CDK8: variants seen among roughly 807,000 people sequenced by gnomAD.
CDK8 encodes cyclin-dependent kinase 8.
Under a neutral mutation model 71.5 loss-of-function variants are expected in CDK8, and 29 were observed. That is an observed-to-expected ratio of 0.41 (90% CI 0.30 to 0.55). The LOEUF is 0.55. Ranked by LOEUF, CDK8 falls within the 20% of genes least tolerant of loss-of-function variation. The probability of loss-of-function intolerance (pLI) is 0.37; values close to 1 mark genes in which losing one functional copy is unlikely to be tolerated. For missense variants in CDK8, 288 were observed against 572.6 expected (o/e 0.50, Z 5.07); for synonymous variants, 161 against 192.1 (o/e 0.84, Z 1.34).
At chr13:26,387,403 G>A (rs1875531129) in intron 6 of CDK8, among the ~76,000 whole-genome samples, 1 of 152,054 alleles carries the variant, frequency 6.6e-6, no homozygotes, top group Admixed American at 6.5e-5. Flanking sequence ...TAAATCATGG[G>A]GCTTATAGAG....
intron 8 of CDK8, among the ~76,000 whole-genome samples, chr13:26,396,654 A>T (rs541292647): frequency 1.8e-4 from 27 of 152,256 alleles, no homozygotes; most frequent in African/African-American, 5.8e-4. Flanking sequence ...CAGCTGAATA[A>T]ATAAGAATCT....
At chr13:26,351,281 T>C (rs1388310092) in intron 3 of CDK8, among the ~76,000 whole-genome samples, 3 of 152,190 alleles carry the variant, frequency 2.0e-5, no homozygotes, top group African/African-American at 7.2e-5. Context: ...TTTTATTATG[T>C]ATACATGAAA....
chr13:26,403,404 GATTATACC>G (rs1213079890), intron 12 of CDK8, among the ~76,000 whole-genome samples: 3 of 151,738 alleles, frequency 2.0e-5, no homozygotes, highest in Admixed American at 6.6e-5. Context: ...TCCTAGCAAT[GATTATACC>G]ATTACACTCC....
intron 4 of CDK8, among the ~76,000 whole-genome samples, chr13:26,356,704 G>A (rs1038059026): frequency 3.3e-5 from 5 of 152,082 alleles, no homozygotes; most frequent in Non-Finnish European, 5.9e-5. Flanking sequence ...TGATTCTAAT[G>A]TATGTAGTAA....
At position 26,378,159 on chromosome 13, in the gene CDK8, TC is replaced by T. The variant is rs138629822; in HGVS notation, c.457-4653del. Among the ~76,000 whole-genome samples the T allele has an allele frequency of 6.7e-3, 1,016 of 152,370 alleles. 10 individuals carry two copies. The highest frequency in any genetic ancestry group is 0.021 in the African/African-American group (870 of 41,588). On this transcript the variant is annotated intron_variant, in intron 4 of 12. Transcript: ENST00000381527. ...GGCAGATGTGCCACCATTCTCCACT[TC>T]CTATGTCGGATAGCTCTGATAAATG...
intron 1 of CDK8, among the ~76,000 whole-genome samples, chr13:26,279,985 G>T (rs1049460372): frequency 3.9e-5 from 6 of 152,044 alleles, no homozygotes; most frequent in Non-Finnish European, 5.9e-5. Flanking sequence ...GTGTGTGTGT[G>T]TGTATGTGTG....
At chr13:26,394,031 A>G (rs956691071) in intron 7 of CDK8, among the ~76,000 whole-genome samples, 1 of 152,222 alleles carries the variant, frequency 6.6e-6, no homozygotes, top group African/African-American at 2.4e-5. Context: ...ATAGTACCCT[A>G]TGGTGAGTTA....
chr13:26,392,622 G>C (rs551961043), intron 6 of CDK8, among the ~76,000 whole-genome samples: 1 of 152,018 alleles, frequency 6.6e-6, no homozygotes, highest in Non-Finnish European at 1.5e-5. Flanking sequence ...CACCACACCC[G>C]GCCGAATTTA....
At chr13:26,330,002 C>T (rs1875234315) in intron 1 of CDK8, among the ~76,000 whole-genome samples, 1 of 152,064 alleles carries the variant, frequency 6.6e-6, no homozygotes, top group African/African-American at 2.4e-5. Flanking sequence ...ATTTATTTCC[C>T]CAGGGCCTCC....
intron 1 of CDK8, among the ~76,000 whole-genome samples, chr13:26,320,785 A>C (rs1347456842): frequency 6.6e-6 from 1 of 152,204 alleles, no homozygotes. Flanking sequence ...ACTCAACACC[A>C]CTATTAGGAA....
intron 1 of CDK8, among the ~76,000 whole-genome samples, chr13:26,265,726 A>G (rs9319287): frequency 0.17 from 25,744 of 152,130 alleles, 3,816 homozygotes; most frequent in African/African-American, 0.41. Flanking sequence ...AAGAATTTCC[A>G]TGCCAGATCT....
At chr13:26,366,401 A>G (rs1196434511) in intron 4 of CDK8, among the ~76,000 whole-genome samples, 2 of 152,122 alleles carry the variant, frequency 1.3e-5, no homozygotes, top group African/African-American at 4.8e-5. Flanking sequence ...ATTTAATACA[A>G]TGAGAAGTTT....
chr13:26,401,518 C>CA lies in CDK8; in HGVS notation c.1164dup (p.Gly389ArgfsTer141). ...AACCACACTAATGGAACTGGCCACC[C>CA]AGGGAATCAAGACAGCAGTCACACA... On this transcript the variant is annotated frameshift_variant, in exon 12 of 13. Coordinates refer to ENST00000381527, the MANE Select transcript of CDK8 (RefSeq NM_001260.3). LOFTEE classifies it high-confidence loss of function. The surrounding 1 kb of genome is among the most constrained non-coding windows in gnomAD (Gnocchi z 4.5). The CA allele has an allele frequency of 6.2e-7, 1 of 1,614,170 alleles. No individual in the cohort carries two copies. The highest frequency in any genetic ancestry group is 8.5e-7 in the Non-Finnish European group (1 of 1,180,018).
At chr13:26,365,414 A>C (rs1004257908) in intron 4 of CDK8, among the ~76,000 whole-genome samples, 1 of 152,136 alleles carries the variant, frequency 6.6e-6, no homozygotes, top group African/African-American at 2.4e-5. Flanking sequence ...ATTTATCAAT[A>C]AAAAAGTGGC....
intron 1 of CDK8, among the ~76,000 whole-genome samples, chr13:26,260,318 G>A (rs772612196): frequency 1.8e-4 from 27 of 152,098 alleles, no homozygotes; most frequent in Non-Finnish European, 3.4e-4. Context: ...CGTTTGCACC[G>A]AACACCATAA....
At chr13:26,339,135 G>T (rs1873115538) in intron 2 of CDK8, among the ~76,000 whole-genome samples, 1 of 151,966 alleles carries the variant, frequency 6.6e-6, no homozygotes, top group Admixed American at 6.6e-5. Context: ...TAATTTTTAT[G>T]AAGTCTTACT....
intron 1 of CDK8, among the ~76,000 whole-genome samples, chr13:26,328,341 A>T (rs976895376): frequency 9.9e-5 from 15 of 152,226 alleles, no homozygotes; most frequent in African/African-American, 3.6e-4. Flanking sequence ...TCCTTAAAGC[A>T]TGTCTTTTTC....
At chr13:26,359,262 A>AGTTTTACAGAG (rs1874029307) in intron 4 of CDK8, among the ~76,000 whole-genome samples, 1 of 692 alleles carries the variant, frequency 1.4e-3, no homozygotes, top group Non-Finnish European at 3.0e-3. Context: ...GATGCAGAGT[A>AGTTTTACAGAG]TGAAAAGAGT....
At position 26,400,566 on chromosome 13, in the gene CDK8, G is replaced by A. The variant is rs771496653; in HGVS notation, c.1031+16G>A. ...CTACATCAGAGTAAGTGGCCTAGTT[G>A]GTTAACTCATCAGCATGATGGAAGT... On this transcript the variant is annotated intron_variant, in intron 10 of 12. Coordinates refer to ENST00000381527, the MANE Select transcript of CDK8 (RefSeq NM_001260.3). 4 of 1,457,412 alleles carry A rather than the reference G, an allele frequency of 2.7e-6. No individual in the cohort carries two copies. Among genetic ancestry groups the A allele is most frequent in the Non-Finnish European group, 3.9e-6 (4 of 1,037,836 alleles). 90.3% of individuals were successfully genotyped at this position (1,457,412 alleles called of 1,614,324 possible).
Sources: gnomAD v4.1 joint callset for allele counts (sites outside exome capture counted in the v4.1 genomes callset) on GRCh38, gnomAD v4.1.1 for gene constraint, Gnocchi (gnomAD v3.1) non-coding constraint, MANE v1.5 for transcripts, NCBI Gene and HGNC (gene_info 2026-07-23, HGNC 2026-07-21) for gene names.